Variants in STAU2 observed in about 807,000 individuals in gnomAD.
The protein encoded by STAU2 is staufen double-stranded RNA binding protein 2.
In STAU2, 20 loss-of-function variants were observed where a neutral mutation model predicts 65.9. The ratio of observed to expected loss-of-function variants is 0.30; its 90% CI spans 0.21 to 0.44. The LOEUF (loss-of-function observed/expected upper bound fraction) is 0.44, where lower values mean the gene tolerates loss of function less well. Among genes scored for constraint, STAU2 ranks in the 20% least tolerant of loss-of-function variants. The pLI is 1.00. For missense variants in STAU2, 558 were observed against 683.9 expected (o/e 0.82, Z 2.05); for synonymous variants, 232 against 233.9 (o/e 0.99, Z 0.07).
intron 13 of STAU2, among the ~76,000 whole-genome samples, chr8:73,426,994 A>T (rs141658677): frequency 0.083 from 12,449 of 149,142 alleles, 1,444 homozygotes; most frequent in African/African-American, 0.26. Flanking sequence ...AATGGCGTGA[A>T]CTCGGCCCAC....
At chr8:73,444,423 A>G (rs2128892058) in intron 13 of STAU2, among the ~76,000 whole-genome samples, 1 of 152,112 alleles carries the variant, frequency 6.6e-6, no homozygotes, top group Admixed American at 6.5e-5. Flanking sequence ...AAAAAAAAAA[A>G]AAGAATGAAG....
intron 6 of STAU2, among the ~76,000 whole-genome samples, chr8:73,648,465 T>C (rs926204788): frequency 1.3e-5 from 2 of 152,154 alleles, no homozygotes; most frequent in Admixed American, 1.3e-4. Context: ...AGGGATAAAA[T>C]ATATATACCT....
intron 13 of STAU2, among the ~76,000 whole-genome samples, chr8:73,458,257 A>G (rs541455124): frequency 3.7e-4 from 57 of 152,344 alleles, no homozygotes; most frequent in Non-Finnish European, 5.1e-4. Context: ...TTTCCTCATT[A>G]GACAATTCAG....
At chr8:73,700,084 A>C (rs777669845) in intron 4 of STAU2, among the ~76,000 whole-genome samples, 1 of 152,104 alleles carries the variant, frequency 6.6e-6, no homozygotes. Flanking sequence ...CATACATTTC[A>C]ATTGGTGCCA....
chr8:73,625,705 G>A (rs1056426568), intron 6 of STAU2, among the ~76,000 whole-genome samples: 3 of 152,150 alleles, frequency 2.0e-5, no homozygotes, highest in Non-Finnish European at 2.9e-5. Flanking sequence ...CTTGTGTTAC[G>A]TAAATTTTAT....
At position 73,507,857 on chromosome 8, in the gene STAU2, CT is replaced by C. The variant is rs1238777567; in HGVS notation, c.1530+44154del. On this transcript the variant is annotated intron_variant, in intron 13 of 14. Coordinates refer to ENST00000524300, the MANE Select transcript of STAU2 (RefSeq NM_001164380.2). ...TCAGCATTTGCTGCTTCCCCTTACA[CT>C]TTTATGTTATGGAGATGGTTTCTTT... 2.0e-5 allele frequency among the ~76,000 whole-genome samples: 3 copies of C among 152,322 alleles called. No individual in the cohort carries two copies. In the East Asian group the frequency reaches 5.8e-4, roughly 29 times the overall value.
chr8:73,484,289 G>C (rs1820797807), intron 13 of STAU2, among the ~76,000 whole-genome samples: 1 of 152,128 alleles, frequency 6.6e-6, no homozygotes, highest in African/African-American at 2.4e-5. Context: ...GCTGCTTCTA[G>C]AATTGCTACA....
chr8:73,654,914 T>G (rs899846990), intron 6 of STAU2, among the ~76,000 whole-genome samples: 1 of 152,032 alleles, frequency 6.6e-6, no homozygotes, highest in Non-Finnish European at 1.5e-5. Flanking sequence ...CTCGATCTCC[T>G]GACCTCGTGA....
intron 6 of STAU2, among the ~76,000 whole-genome samples, chr8:73,642,546 C>G (rs1465120768): frequency 6.6e-6 from 1 of 151,978 alleles, no homozygotes; most frequent in Non-Finnish European, 1.5e-5. Flanking sequence ...AAACTTTCAT[C>G]TTCCACTCTT....
intron 3 of STAU2, among the ~76,000 whole-genome samples, chr8:73,725,333 C>T (rs1194709677): frequency 6.6e-6 from 1 of 152,214 alleles, no homozygotes; most frequent in Non-Finnish European, 1.5e-5. Flanking sequence ...CTAAAACATA[C>T]ACAGCCTACC....
Position 73,720,059 on chromosome 8 carries a change from T to C in STAU2, c.-17-10897A>G, listed in dbSNP as rs566290762. On this transcript the variant is annotated intron_variant, in intron 3 of 14. Coordinates refer to ENST00000524300, the MANE Select transcript of STAU2 (RefSeq NM_001164380.2). ...CTTCAGGCCAAAGCAAGAGGATCAC[T>C]TGAGCCCAGGAGTTGGAGACCAGTC... 1.2e-4 allele frequency among the ~76,000 whole-genome samples: 19 copies of C among 152,250 alleles called. No individual in the cohort carries two copies. The East Asian group carries it at 3.7e-3, about 29-fold the overall frequency.
intron 6 of STAU2, among the ~76,000 whole-genome samples, chr8:73,626,832 G>A (rs915121126): frequency 6.6e-6 from 1 of 152,132 alleles, no homozygotes; most frequent in African/African-American, 2.4e-5. Context: ...TGAAAAATGG[G>A]TGATCAACTC....
chr8:73,458,275 A>G (rs1819173201), intron 13 of STAU2, among the ~76,000 whole-genome samples: 1 of 152,214 alleles, frequency 6.6e-6, no homozygotes, highest in Non-Finnish European at 1.5e-5. Context: ...CAGCTTCATG[A>G]TAATGGATTT....
At chr8:73,676,794 C>T (rs1818056929) in intron 5 of STAU2, among the ~76,000 whole-genome samples, 1 of 152,146 alleles carries the variant, frequency 6.6e-6, no homozygotes, top group African/African-American at 2.4e-5. Flanking sequence ...TGGGGTTTCA[C>T]CATGTTGGCC....
At chr8:73,707,867 G>A (rs773154905) in intron 4 of STAU2, among the ~76,000 whole-genome samples, 3 of 151,320 alleles carry the variant, frequency 2.0e-5, no homozygotes, top group Non-Finnish European at 2.9e-5. Context: ...TTTCACAAAC[G>A]TGTGGAAGAT....
chr8:73,722,768 G>C (rs1821775939), intron 3 of STAU2, among the ~76,000 whole-genome samples: 1 of 152,040 alleles, frequency 6.6e-6, no homozygotes, highest in Non-Finnish European at 1.5e-5. Context: ...TAGGTCCTTG[G>C]AAGCTGCAAC....
intron 13 of STAU2, among the ~76,000 whole-genome samples, chr8:73,544,764 T>C (rs1476943557): frequency 6.6e-6 from 1 of 152,228 alleles, no homozygotes. Context: ...TTATGTGGGG[T>C]AGGCATTACA....
At chr8:73,455,110 A>G (rs1039897253) in intron 13 of STAU2, among the ~76,000 whole-genome samples, 5 of 152,094 alleles carry the variant, frequency 3.3e-5, no homozygotes, top group Non-Finnish European at 5.9e-5. Context: ...AACCCTACCA[A>G]AAACATGCCT....
Position 73,627,621 on chromosome 8 carries a change from T to A in STAU2, c.411-10170A>T, listed in dbSNP as rs556579680. On this transcript the variant is annotated intron_variant, in intron 6 of 14. Transcript: ENST00000524300. Reference sequence around the variant, plus strand: ...TTATTTCCAGAATTTGTTTTTCCTATTTATTTCCACAATTTATTTTGCTAA... The same window carrying A: ...TTATTTCCAGAATTTGTTTTTCCTAATTATTTCCACAATTTATTTTGCTAA... 3.0e-4 allele frequency among the ~76,000 whole-genome samples: 46 copies of A among 152,330 alleles called. No individual in the cohort carries two copies. In the South Asian group the frequency reaches 9.1e-3, roughly 30 times the overall value.
Sources: allele counts gnomAD v4.1 joint callset (sites outside exome capture counted in the v4.1 genomes callset), GRCh38; gene constraint gnomAD v4.1.1; transcripts MANE v1.5; gene names NCBI Gene and HGNC (gene_info 2026-07-23, HGNC 2026-07-21).